Variants in UMOD observed in about 807,000 individuals in gnomAD.
UMOD encodes the protein uromodulin.
Under a neutral mutation model 66.0 loss-of-function variants are expected in UMOD, and 64 were observed. The ratio of observed to expected loss-of-function variants is 0.97; its 90% confidence interval spans 0.79 to 1.19. UMOD has a LOEUF of 1.19. UMOD is among the 50% of genes most tolerant of loss of function. The pLI is 0.00. For synonymous variants in UMOD, 398 were observed against 352.7 expected, an observed-to-expected ratio of 1.13 and a Z score of -1.44; for missense variants, 764 against 850.9, an observed-to-expected ratio of 0.90 and a Z score of 1.27.
At position 20,344,072 on chromosome 16, in the gene UMOD, G is replaced by C. The variant is rs371364890; in HGVS notation, c.1283C>G (p.Pro428Arg). 6.2e-7 allele frequency: 1 copy of C among 1,613,872 alleles called. No individual in the cohort carries two copies. Among genetic ancestry groups the C allele is most frequent in the Non-Finnish European group, 8.5e-7 (1 of 1,180,032 alleles). The change falls in exon 6 of 11, where the codon CCC (proline) becomes CGC (arginine). Residue 428 changes from proline (P) to arginine (R), a missense_variant. Pro to Arg is a moderately radical substitution (Grantham distance 103, BLOSUM62 -2). Coordinates refer to ENST00000396138, the MANE Select transcript of UMOD (RefSeq NM_003361.4). ...CTTCAGGCTGACTTTCATGTCCAGG[G>C]GGTAGGAGCATGCAAAGTTGATTTT... The part of the protein sequence containing the change: ...NIKINFACSY[P>R]LDMKVSLKTA...
chr16:20,342,029 T>A (rs1965251918), intron 6 of UMOD, among the ~76,000 whole-genome samples: 4 of 152,204 alleles, frequency 2.6e-5, no homozygotes, highest in Non-Finnish European at 5.9e-5. Flanking sequence ...CAGTGAAGAC[T>A]GGGGTGAGAT....
intron 4 of UMOD, among the ~76,000 whole-genome samples, chr16:20,347,649 A>G (rs1965662577): frequency 6.6e-6 from 1 of 152,220 alleles, no homozygotes; most frequent in South Asian, 2.1e-4. Context: ...CAACTTAATA[A>G]AAGTCATGGC....
At chr16:20,343,159 TC>T (rs1965337896) in intron 6 of UMOD, among the ~76,000 whole-genome samples, 1 of 116,678 alleles carries the variant, frequency 8.6e-6, no homozygotes, top group Non-Finnish European at 2.0e-5. Flanking sequence ...AAATAAATAA[TC>T]AATAAATCTT....
Position 20,341,246 on chromosome 16 carries a change from G to T in UMOD, c.1422C>A (p.Gly474=). Residue 474 remains glycine, a synonymous_variant, in exon 7 of 11, where the codon GGC becomes GGA. Transcript: ENST00000396138. ...QTPSYTQPYQ[G]SSVTLSTEAF... ...CCTCAGTGGACAGTGTCACGGAGGA[G>T]CCTTGGTAGGGCTGCGTGTAGGAAG... 1.2e-6 allele frequency: 2 copies of T among 1,614,148 alleles called. No individual in the cohort carries two copies. Among genetic ancestry groups the T allele is most frequent in the Non-Finnish European group, 1.7e-6 (2 of 1,180,040 alleles).
chr16:20,355,737 G>A (rs1389005217), upstream of UMOD, among the ~76,000 whole-genome samples: 1 of 152,112 alleles, frequency 6.6e-6, no homozygotes, highest in African/African-American at 2.4e-5. Flanking sequence ...AACATGGGTA[G>A]GAGACTTGAT....
At chr16:20,346,449 A>G (rs936228523) in intron 4 of UMOD, 115 bp from the exon 5 acceptor site, 18 of 1,000,486 alleles carry the variant, frequency 1.8e-5, no homozygotes, top group Non-Finnish European at 2.6e-5. Flanking sequence ...TGCTCAGCAT[A>G]GCCTTGAGCT....
chr16:20,353,417 G>A (rs1965973717), upstream of UMOD, among the ~76,000 whole-genome samples: 1 of 152,156 alleles, frequency 6.6e-6, no homozygotes, highest in Non-Finnish European at 1.5e-5. Context: ...GTGGCAGTGG[G>A]CTCATTTCTT....
intron 7 of UMOD, among the ~76,000 whole-genome samples, chr16:20,338,878 G>A (rs1331120639): frequency 6.6e-6 from 1 of 152,160 alleles, no homozygotes; most frequent in Non-Finnish European, 1.5e-5. Context: ...TCCTGCCTCA[G>A]CCTCCCAAGT....
At chr16:20,350,346 C>G (rs1421050978) in intron 2 of UMOD, among the ~76,000 whole-genome samples, 1 of 152,084 alleles carries the variant, frequency 6.6e-6, no homozygotes, top group African/African-American at 2.4e-5. Context: ...ATGTTCTAGC[C>G]CCTTGCTTTT....
At position 20,349,111 on chromosome 16, in the gene UMOD, C is replaced by T; in HGVS notation, c.190G>A (p.Val64Met). Residue 64 changes from valine to methionine, a missense_variant, in exon 3 of 11, where the codon GTG becomes ATG. Val to Met is a conservative substitution (Grantham distance 21). Transcript: ENST00000396138. Reference protein sequence around the residue: ...EGFTGDGLTCVDLDECAIPGA... With the variant: ...EGFTGDGLTCMDLDECAIPGA... The stretch of plus-strand genomic sequence containing the variant: ...GGAATGGCGCACTCATCCAGGTCCA[C>T]GCAGGTCAGGCCATCGCCGGTGAAG... 6.2e-7 allele frequency: 1 copy of T among 1,614,018 alleles called. No individual in the cohort carries two copies. The highest frequency in any genetic ancestry group is 8.5e-7 in the Non-Finnish European group (1 of 1,179,984).
chr16:20,346,490 C>G (rs1010312547), intron 4 of UMOD, among the ~76,000 whole-genome samples, 156 bp from the exon 5 acceptor site: 1 of 152,170 alleles, frequency 6.6e-6, no homozygotes, highest in Non-Finnish European at 1.5e-5. Context: ...GATGGGGACT[C>G]AAGATTGGAC....
Position 20,344,103 on chromosome 16 carries a change from T to A in UMOD, c.1252A>T (p.Asn418Tyr), listed in dbSNP as rs1373845939. Residue 418 changes from asparagine to tyrosine, a missense_variant, in exon 6 of 11, where the codon AAC becomes TAC. Asn to Tyr is a moderately radical substitution (Grantham distance 143). Transcript: ENST00000396138. ...GAGCATGCAAAGTTGATTTTGATGT[T>A]GAGGTCACGGATGATGATCTCATCT... is the stretch of plus-strand genomic sequence containing the variant. ...LADEIIIRDL[N>Y]IKINFACSYP... 6.2e-7 allele frequency: 1 copy of A among 1,612,414 alleles called. No individual in the cohort carries two copies. The highest frequency in any genetic ancestry group is 1.3e-5 in the African/African-American group (1 of 74,222).
chr16:20,333,269 G>A lies in UMOD; in HGVS notation c.*45C>T, dbSNP rs1228887741. 2 of 1,590,938 alleles carry A rather than the reference G, an allele frequency of 1.3e-6. No homozygotes were observed. The highest frequency in any genetic ancestry group is 1.7e-5 in the Admixed American group (1 of 59,268). ...CCCGCATCATGCCCCCTGCCCAGCA[G>A]GAGGTGAGATGGCAGCCATGGAGCA... On this transcript the variant is annotated 3_prime_UTR_variant, in exon 11 of 11. Coordinates refer to ENST00000396138, the MANE Select transcript of UMOD (RefSeq NM_003361.4).
chr16:20,349,443 G>A (rs529603488), intron 2 of UMOD, among the ~76,000 whole-genome samples: 1 of 152,052 alleles, frequency 6.6e-6, no homozygotes, highest in African/African-American at 2.4e-5. Context: ...TATTTTTTTG[G>A]AGAGGGGTCT....
chr16:20,349,214 T>G lies in UMOD; in HGVS notation c.89-2A>C. On this transcript the variant is annotated splice_acceptor_variant, in intron 2 of 10. Transcript: ENST00000396138. LOFTEE classifies it high-confidence loss of function. The stretch of plus-strand genomic sequence containing the variant: ...TGCTGTGACATTCAGAGCACCATCC[T>G]GTGGACAGAAAAGCCCAGCTTCAGG... 6.2e-7 allele frequency: 1 copy of G among 1,612,894 alleles called. No individual in the cohort carries two copies. The highest frequency in any genetic ancestry group is 1.3e-5 in the African/African-American group (1 of 75,042).
rs761748896 is a variant in UMOD at position 20,341,192 on chromosome 16, A to G, written c.1476T>C (p.Asp492=). 8.7e-6 allele frequency: 14 copies of G among 1,613,996 alleles called. No homozygotes were observed. Among genetic ancestry groups the G allele is most frequent in the Admixed American group, 1.7e-5 (1 of 59,990 alleles). Residue 492 remains aspartate (D), a synonymous_variant, in exon 7 of 11, where the codon GAT becomes GAC. Coordinates refer to ENST00000396138, the MANE Select transcript of UMOD (RefSeq NM_003361.4). ...GTGCAAATCGGGACAGGTCGCCCCC[A>G]TCCAACATGGTGCCCACGTAGAGAA... ...EAFLYVGTML[D]GGDLSRFALL...
At position 20,348,744 on chromosome 16, in the gene UMOD, C is replaced by T; in HGVS notation, c.557G>A (p.Ser186Asn). The T allele has an allele frequency of 6.5e-7, 1 of 1,545,060 alleles. No homozygotes were observed. ...GGCGTAGCCCTCCCCGTACTCGGTG[C>T]TGCGCCAGTACTCGTCCAGGGTGCG... is the stretch of plus-strand genomic sequence containing the variant. Reference protein sequence around the residue: ...AHRTLDEYWRSTEYGEGYACD... With the variant: ...AHRTLDEYWRNTEYGEGYACD... The change falls in exon 3 of 11, where the codon AGC becomes AAC. Residue 186 changes from serine to asparagine, a missense_variant. Transcript: ENST00000396138.
At chr16:20,334,417 AGT>A (rs951454447) in intron 10 of UMOD, among the ~76,000 whole-genome samples, 5 of 152,162 alleles carry the variant, frequency 3.3e-5, no homozygotes, top group African/African-American at 1.2e-4. Context: ...GTTTCCAATA[AGT>A]GTGTGTACAT....
In UMOD at chr16:20,350,629, G is replaced by A. The variant is rs74011925; in HGVS notation, c.88+21C>T. On this transcript the variant is annotated intron_variant, in intron 2 of 10. Transcript: ENST00000396138. ...ACACGTGCATACACACATATACAACGCACACACACTTTTCACTTACTTGCT... is the reference window on the plus strand; with the variant it reads ...ACACGTGCATACACACATATACAACACACACACACTTTTCACTTACTTGCT... 2,319 of 1,613,546 alleles carry A rather than the reference G, an allele frequency of 1.4e-3. 30 individuals carry two copies. The African/African-American group carries it at 0.026, about 18-fold the overall frequency.
Sources: gnomAD v4.1 joint callset for allele counts (sites outside exome capture counted in the v4.1 genomes callset) on GRCh38, gnomAD v4.1.1 for gene constraint, MANE v1.5 for transcripts, NCBI Gene and HGNC (gene_info 2026-07-23, HGNC 2026-07-21) for gene names.